The following STPG2 variants were observed in gnomAD, a reference collection of about 807,000 sequenced individuals.
STPG2 encodes sperm-tail PG-rich repeat-containing protein 2.
STPG2 carries 56 observed loss-of-function variants against 54.2 expected under a neutral mutation model. The observed-to-expected ratio is 1.03, with a 90% CI of 0.83 to 1.29. STPG2 has a LOEUF of 1.29. Among genes scored for constraint, STPG2 ranks in the 50% most tolerant of loss-of-function variants. The probability of loss-of-function intolerance (pLI) is 0.00; values close to 1 mark genes in which losing one functional copy is unlikely to be tolerated. For synonymous variants in STPG2, 200 were observed against 181.8 expected, an observed-to-expected ratio of 1.10 and a Z score of -0.81; for missense variants, 596 against 544.9, an observed-to-expected ratio of 1.09 and a Z score of -0.93.
At chr4:97,998,439 G>A (rs1399088913) in intron 5 of STPG2, among the ~76,000 whole-genome samples, 3 of 152,062 alleles carry the variant, frequency 2.0e-5, no homozygotes, top group African/African-American at 7.2e-5. Context: ...GCAGCCAAAT[G>A]AGTCACCCCA....
rs116443204 is a variant in STPG2, at chr4:97,964,805, G to C, written c.933+7475C>G. On this transcript the variant is annotated intron_variant, in intron 7 of 10. Coordinates refer to ENST00000295268, the MANE Select transcript of STPG2 (RefSeq NM_174952.3). ...ACAAAATTCAGTTATTACTTGTACT[G>C]AATTGAAATATGAATCTCTGCAGTT... 1.5e-3 allele frequency among the ~76,000 whole-genome samples: 221 copies of C among 152,208 alleles called. 1 individual carries two copies. The highest frequency in any genetic ancestry group is 3.9e-3 in the African/African-American group (161 of 41,538).
intron 10 of STPG2, among the ~76,000 whole-genome samples, chr4:97,562,521 G>T (rs1484692382): frequency 2.6e-5 from 4 of 152,146 alleles, no homozygotes; most frequent in African/African-American, 7.2e-5. Context: ...TCTTGTGCCA[G>T]TTTTCAAAGG....
intron 5 of STPG2, among the ~76,000 whole-genome samples, chr4:98,021,126 G>T (rs543777764): frequency 8.6e-5 from 13 of 151,202 alleles, no homozygotes; most frequent in South Asian, 4.2e-4. Context: ...GTCAATTTTA[G>T]ATCTTTCCTG....
At chr4:97,987,864 T>G (rs1001635877) in intron 5 of STPG2, among the ~76,000 whole-genome samples, 4 of 152,068 alleles carry the variant, frequency 2.6e-5, no homozygotes, top group Middle Eastern at 3.2e-3. Context: ...GTCCCCTAAC[T>G]GTCCCCTGCT....
intron 4 of STPG2, among the ~76,000 whole-genome samples, chr4:97,447,004 G>A (rs1047626068): frequency 1.3e-5 from 2 of 152,218 alleles, no homozygotes; most frequent in African/African-American, 2.4e-5. Flanking sequence ...AAGATAGGAA[G>A]ATGAGGAAAA....
chr4:97,952,710 G>A (rs568131336), intron 7 of STPG2, among the ~76,000 whole-genome samples: 26 of 152,260 alleles, frequency 1.7e-4, no homozygotes, highest in South Asian at 1.2e-3. Context: ...AGATTCCTTC[G>A]TTATAAATAG....
At chr4:98,042,292 A>AT (rs1002660885) in intron 5 of STPG2, among the ~76,000 whole-genome samples, 2 of 150,500 alleles carry the variant, frequency 1.3e-5, no homozygotes, top group East Asian at 3.9e-4. Context: ...CATTTCATTG[A>AT]TTTTTTTGTA....
intron 10 of STPG2, among the ~76,000 whole-genome samples, chr4:97,654,522 C>A (rs986427594): frequency 3.3e-5 from 5 of 152,114 alleles, no homozygotes; most frequent in African/African-American, 1.2e-4. Context: ...CCCTTTGACA[C>A]TTCTGTTACC....
intron 5 of STPG2, among the ~76,000 whole-genome samples, chr4:98,042,329 T>C (rs1163829178): frequency 2.6e-5 from 4 of 151,886 alleles, no homozygotes; most frequent in Non-Finnish European, 5.9e-5. Flanking sequence ...TTTATATAGT[T>C]CTACTCTGAT....
At chr4:97,786,734 G>A (rs1373042018) in intron 9 of STPG2, among the ~76,000 whole-genome samples, 1 of 151,796 alleles carries the variant, frequency 6.6e-6, no homozygotes, top group East Asian at 1.9e-4. Flanking sequence ...CCACTCACCT[G>A]TTGGTCACTT....
intron 10 of STPG2, among the ~76,000 whole-genome samples, chr4:97,674,196 G>A (rs1722775671): frequency 6.6e-6 from 1 of 152,050 alleles, no homozygotes; most frequent in Admixed American, 6.6e-5. Flanking sequence ...CAGATCAAAA[G>A]CTCTTTTGAG....
intron 5 of STPG2, among the ~76,000 whole-genome samples, chr4:98,036,108 T>A (rs1014100088): frequency 6.6e-6 from 1 of 151,610 alleles, no homozygotes; most frequent in African/African-American, 2.4e-5. Context: ...AATAAATAAA[T>A]TTTTAAAAAC....
chr4:97,707,798 C>T (rs1407604829), intron 10 of STPG2, among the ~76,000 whole-genome samples: 2 of 151,510 alleles, frequency 1.3e-5, no homozygotes, highest in African/African-American at 2.4e-5. Flanking sequence ...AGCATAGAAT[C>T]GAAGACAAAA....
chr4:97,957,866 G>T (rs1285846619), intron 7 of STPG2, among the ~76,000 whole-genome samples: 2 of 152,096 alleles, frequency 1.3e-5, no homozygotes, highest in Non-Finnish European at 2.9e-5. Context: ...ACAAACAAAT[G>T]CTGAGAGAAT....
At chr4:97,583,269 G>A (rs992186431) in intron 10 of STPG2, among the ~76,000 whole-genome samples, 7 of 151,910 alleles carry the variant, frequency 4.6e-5, no homozygotes, top group Non-Finnish European at 7.4e-5. Flanking sequence ...AGCAATGGAA[G>A]AGGTGTTTTT....
chr4:97,773,087 T>G (rs1726265775), intron 9 of STPG2, among the ~76,000 whole-genome samples: 1 of 152,212 alleles, frequency 6.6e-6, no homozygotes, highest in South Asian at 2.1e-4. Context: ...TTATATTACG[T>G]CAACAAACAT....
Position 97,521,634 on chromosome 4 carries a change from G to C in STPG2, c.462+191065C>G, listed in dbSNP as rs141076323. On this transcript the variant is annotated intron_variant, in intron 4 of 4. Coordinates refer to the STPG2 transcript ENST00000522676. The stretch of plus-strand genomic sequence containing the variant: ...TTTTGCTCTTTTTGGAAGAACTTTT[G>C]AAAAATGATTAAGAATCTCATCTTC... 7.5e-3 allele frequency among the ~76,000 whole-genome samples: 1,144 copies of C among 152,062 alleles called. 11 individuals carry two copies. The highest frequency in any genetic ancestry group is 0.011 in the Non-Finnish European group (731 of 67,956).
chr4:97,799,471 G>A (rs531210274), intron 9 of STPG2, among the ~76,000 whole-genome samples: 23 of 152,218 alleles, frequency 1.5e-4, no homozygotes, highest in African/African-American at 5.1e-4. Flanking sequence ...TGAAATTTTG[G>A]GTTGAAAATT....
chr4:97,558,708 ATTGCAGAC>A (rs1319068106), downstream of STPG2, among the ~76,000 whole-genome samples: 1 of 152,216 alleles, frequency 6.6e-6, no homozygotes, highest in African/African-American at 2.4e-5. Context: ...AGACACCTAG[ATTGCAGAC>A]TTGCAAAAGA....
Sources: gnomAD v4.1 joint callset for allele counts (sites outside exome capture counted in the v4.1 genomes callset) on GRCh38, gnomAD v4.1.1 for gene constraint, MANE v1.5 for transcripts, NCBI Gene and HGNC (gene_info 2026-07-23, HGNC 2026-07-21) for gene names.